Variants in TAS2R1 observed in about 807,000 individuals in gnomAD.
TAS2R1 encodes the protein taste 2 receptor member 1.
For synonymous variants in TAS2R1, 141 were observed against 134.2 expected, an observed-to-expected ratio of 1.05 and a Z score of -0.35; for missense variants, 370 against 353.4, an observed-to-expected ratio of 1.05 and a Z score of -0.38.
intron 2 of TAS2R1, among the ~76,000 whole-genome samples, chr5:9,636,415 G>A (rs1179899193): frequency 1.3e-5 from 2 of 152,136 alleles, no homozygotes; most frequent in Admixed American, 1.3e-4. Context: ...ATATTCTGCT[G>A]TTGTTTGGTA....
the TAS2R1 span, among the ~76,000 whole-genome samples, chr5:9,854,705 C>T: frequency 0.35 from 52,688 of 152,006 alleles, 9,335 homozygotes; most frequent in South Asian, 0.39. Context: ...AGTTGCAATA[C>T]TGGATTTGAC....
chr5:9,784,044 C>T, the TAS2R1 span, among the ~76,000 whole-genome samples: 1 of 152,140 alleles, frequency 6.6e-6, no homozygotes, highest in South Asian at 2.1e-4. Context: ...AGAACACTAC[C>T]TAGGGCATCA....
the TAS2R1 span, among the ~76,000 whole-genome samples, chr5:9,727,097 A>C: frequency 6.6e-6 from 1 of 152,214 alleles, no homozygotes; most frequent in Non-Finnish European, 1.5e-5. Flanking sequence ...CTGAGCCACA[A>C]ACATACCCAC....
the TAS2R1 span, chr5:9,902,545 G>A: frequency 6.6e-6 from 1 of 151,992 alleles, no homozygotes; most frequent in East Asian, 1.9e-4. Flanking sequence ...CTAAACAAAT[G>A]GAAACATCAA....
At chr5:9,719,786 C>T in the TAS2R1 span, among the ~76,000 whole-genome samples, 1 of 151,812 alleles carries the variant, frequency 6.6e-6, no homozygotes, top group Non-Finnish European at 1.5e-5. Flanking sequence ...GGCGTGGTGG[C>T]GGGCGCCTGT....
At chr5:9,697,104 GGAGA>G (rs1372522276) in intron 1 of TAS2R1, among the ~76,000 whole-genome samples, 2 of 151,602 alleles carry the variant, frequency 1.3e-5, no homozygotes, top group African/African-American at 2.4e-5. Flanking sequence ...AGGAAGAGAA[GGAGA>G]GAAAGAAATA....
the TAS2R1 span, among the ~76,000 whole-genome samples, chr5:9,760,477 G>A: frequency 6.6e-6 from 1 of 152,178 alleles, no homozygotes; most frequent in Non-Finnish European, 1.5e-5. Flanking sequence ...ACAACCAAGT[G>A]TAAGAAGAAT....
chr5:9,705,023 C>T (rs1741574158), intron 1 of TAS2R1, among the ~76,000 whole-genome samples: 1 of 151,964 alleles, frequency 6.6e-6, no homozygotes, highest in Non-Finnish European at 1.5e-5. Context: ...TCATTAGTGG[C>T]TAATTGGTTG....
the TAS2R1 span, among the ~76,000 whole-genome samples, chr5:9,864,643 A>AG: frequency 6.7e-6 from 1 of 150,118 alleles, no homozygotes; most frequent in East Asian, 1.9e-4. Flanking sequence ...AAAAAAAAAA[A>AG]AAAGAAGGTG....
chr5:9,729,006 A>G, the TAS2R1 span, among the ~76,000 whole-genome samples: 3 of 152,308 alleles, frequency 2.0e-5, no homozygotes, highest in Non-Finnish European at 4.4e-5. Flanking sequence ...AGAGAGAAAG[A>G]GCAGGCAGGA....
chr5:9,696,872 C>G (rs1183089047), intron 1 of TAS2R1, among the ~76,000 whole-genome samples: 2 of 150,078 alleles, frequency 1.3e-5, no homozygotes, highest in African/African-American at 4.9e-5. Context: ...AATTAGCCAG[C>G]CGTGGTGGCA....
chr5:9,885,590 G>C, the TAS2R1 span, among the ~76,000 whole-genome samples: 3 of 151,866 alleles, frequency 2.0e-5, no homozygotes, highest in African/African-American at 7.3e-5. Context: ...ATATAAGTCA[G>C]GGGGGAAAAA....
intron 2 of TAS2R1, among the ~76,000 whole-genome samples, chr5:9,644,273 T>A (rs1297862276): frequency 6.6e-6 from 1 of 152,154 alleles, no homozygotes; most frequent in African/African-American, 2.4e-5. Context: ...GAAGTAGAAA[T>A]AACAACTAAA....
the TAS2R1 span, chr5:9,870,306 T>A: frequency 1.3e-5 from 2 of 152,254 alleles, no homozygotes; most frequent in Non-Finnish European, 2.9e-5. Context: ...AACAGCCTAT[T>A]TATCTTCCAG....
At chr5:9,894,749 G>A in the TAS2R1 span, among the ~76,000 whole-genome samples, 2 of 152,218 alleles carry the variant, frequency 1.3e-5, no homozygotes, top group African/African-American at 4.8e-5. Flanking sequence ...CTCCTAAAAT[G>A]AGGTCATCAG....
chr5:9,901,609 G>A, the TAS2R1 span, among the ~76,000 whole-genome samples: 1 of 152,052 alleles, frequency 6.6e-6, no homozygotes, highest in Non-Finnish European at 1.5e-5. Flanking sequence ...ATCATAAGCA[G>A]GGTATTTTAG....
At chr5:9,815,682 C>CA in the TAS2R1 span, among the ~76,000 whole-genome samples, 18,123 of 139,662 alleles carry the variant, frequency 0.13, 1,619 homozygotes, top group African/African-American at 0.26. Flanking sequence ...GATCCCTGAC[C>CA]AAAAAAAAAA....
chr5:9,674,393 A>T (rs1740829659), intron 1 of TAS2R1, among the ~76,000 whole-genome samples: 2 of 152,206 alleles, frequency 1.3e-5, no homozygotes, highest in South Asian at 4.1e-4. Context: ...ACACCATATA[A>T]TCCAAATACA....
chr5:9,686,084 C>T (rs1910072), intron 1 of TAS2R1, among the ~76,000 whole-genome samples: 22 of 152,156 alleles, frequency 1.4e-4, no homozygotes, highest in African/African-American at 4.3e-4. Flanking sequence ...AGGCTGATCT[C>T]GAACTCCTGA....
Sources: gnomAD v4.1 joint callset for allele counts (sites outside exome capture counted in the v4.1 genomes callset) on GRCh38, gnomAD v4.1.1 for gene constraint, MANE v1.5 for transcripts, NCBI Gene and HGNC (gene_info 2026-07-23, HGNC 2026-07-21) for gene names.